The following CLCN6 variants were observed in gnomAD, a reference collection of about 807,000 sequenced individuals.
CLCN6 encodes Cl-/H+ antiporter 6, also known as H(+)/Cl(-) exchange transporter 6.
A neutral mutation model predicts 109.8 loss-of-function variants in CLCN6; 70 were observed. That is an observed-to-expected ratio of 0.64 (90% CI 0.53 to 0.78). The LOEUF (loss-of-function observed/expected upper bound fraction) is 0.78. Ranked by LOEUF, CLCN6 falls within the 30% of genes least tolerant of loss-of-function variation. The pLI, the probability that CLCN6 is intolerant of heterozygous loss-of-function variation, is 0.00. For missense variants in CLCN6, 984 were observed against 1,142.3 expected (o/e 0.86, Z 2.00); for synonymous variants, 444 against 447.8 (o/e 0.99, Z 0.11).
intron 5 of CLCN6, chr1:11,820,340 C>A (rs1277842757): frequency 1.4e-6 from 1 of 713,860 alleles, no homozygotes; most frequent in Non-Finnish European, 2.6e-6. Flanking sequence ...TAGTTATATT[C>A]CTATTTCATA....
chr1:11,840,931 A>G lies in CLCN6; in HGVS notation c.*708A>G, dbSNP rs1418966585. The G allele has an allele frequency of 6.6e-6, 1 of 152,338 alleles. No homozygotes were observed. The highest frequency in any genetic ancestry group is 2.4e-5 in the African/African-American group (1 of 41,438). The allele number at this position is 152,338 out of a possible 1,614,324, so 9.4% of individuals were successfully genotyped here. ...TGATAATAGGATCAGATTTACGTCT[A>G]CCCTAATTCTTAACATTGCAGCTTT... On this transcript the variant is annotated 3_prime_UTR_variant, in exon 23 of 23. Coordinates refer to ENST00000346436, the MANE Select transcript of CLCN6 (RefSeq NM_001286.5).
At chr1:11,817,489 C>T (rs1644688725) in intron 4 of CLCN6, among the ~76,000 whole-genome samples, 2 of 152,130 alleles carry the variant, frequency 1.3e-5, no homozygotes, top group South Asian at 4.1e-4. Context: ...AGCAACTTCA[C>T]AGGTGAATCA....
At chr1:11,836,259 CAG>C (rs781091222) in intron 18 of CLCN6, 106 bp downstream of exon 18, 95 of 1,046,918 alleles carry the variant, frequency 9.1e-5, no homozygotes, top group African/African-American at 1.6e-4. Context: ...TACCGGCTCT[CAG>C]GGGAAGTTGG....
At chr1:11,828,291 G>A in intron 11 of CLCN6, 72 bp downstream of exon 11, 2 of 1,482,468 alleles carry the variant, frequency 1.3e-6, no homozygotes, top group East Asian at 2.3e-5. Flanking sequence ...AAGGACCAGA[G>A]AGAAATGAGC....
At chr1:11,837,574 C>A in intron 20 of CLCN6, 75 bp downstream of exon 20, 2 of 1,462,772 alleles carry the variant, frequency 1.4e-6, no homozygotes, top group South Asian at 1.2e-5. Context: ...GCCGGCGGGC[C>A]GTGAACAGTG....
chr1:11,806,419 G>A, intron 1 of CLCN6, 70 bp downstream of exon 1: 5 of 1,387,548 alleles, frequency 3.6e-6, no homozygotes, highest in Non-Finnish European at 3.8e-6. Flanking sequence ...GTTGCCGGGG[G>A]TGGGGCCGGG....
intron 2 of CLCN6, among the ~76,000 whole-genome samples, chr1:11,810,761 C>A (rs1483374130): frequency 6.6e-6 from 1 of 151,688 alleles, no homozygotes; most frequent in Non-Finnish European, 1.5e-5. Flanking sequence ...CCAAACTCAA[C>A]TAATTTATTT....
At position 11,842,832 on chromosome 1, in the gene CLCN6, T is replaced by C. The variant is rs1645042089; in HGVS notation, c.*2609T>C. ...CTGTATGGCATTTGTGATGCAGAAT[T>C]ATGCACTGACATGACCCTGGGTGAC... On this transcript the variant is annotated 3_prime_UTR_variant, in exon 23 of 23. Transcript: ENST00000346436. 1 of 152,248 alleles carries C rather than the reference T, an allele frequency of 6.6e-6. No individual in the cohort carries two copies. The highest frequency in any genetic ancestry group is 6.5e-5 in the Admixed American group (1 of 15,290). 9.4% of individuals were successfully genotyped at this position (152,248 alleles called of 1,614,324 possible).
At chr1:11,828,417 G>T in intron 11 of CLCN6, 41 bp from the exon 12 acceptor site, 1 of 1,610,228 alleles carries the variant, frequency 6.2e-7, no homozygotes, top group African/African-American at 1.3e-5. Flanking sequence ...TCTCATGGCT[G>T]CTATGGTTTT....
intron 22 of CLCN6, 173 bp downstream of exon 22, chr1:11,838,833 C>A: frequency 1.1e-6 from 1 of 936,778 alleles, no homozygotes; most frequent in East Asian, 2.5e-5. Context: ...GACCCTTTCC[C>A]CTGCCTGCCA....
intron 20 of CLCN6, 49 bp from the exon 21 acceptor site, chr1:11,838,286 G>A: frequency 6.5e-7 from 1 of 1,545,034 alleles, no homozygotes; most frequent in African/African-American, 1.4e-5. Context: ...AGGTGACCCT[G>A]CTGGCCACTG....
intron 1 of CLCN6, chr1:11,806,782 G>A (rs1644518844): frequency 5.5e-6 from 2 of 362,744 alleles, no homozygotes; most frequent in Non-Finnish European, 1.0e-5. Context: ...GAAAACTTGA[G>A]TTGTGTTCCC....
chr1:11,829,643 C>T (rs1042231252), intron 13 of CLCN6, among the ~76,000 whole-genome samples: 13 of 146,808 alleles, frequency 8.9e-5, no homozygotes, highest in African/African-American at 3.4e-4. Context: ...CCTGGCGTCA[C>T]AGAGGGGAAC....
chr1:11,833,888 C>G lies in CLCN6; in HGVS notation c.1384C>G (p.Pro462Ala), dbSNP rs1286727952. ...CTCTTCCCTTGCAGGTACTTTCAGC[C>G]CCGTCACTCTGGCCTTGTTCTTCGT... The part of the protein sequence containing the change: ...QLFHQDGTFS[P>A]VTLALFFVLY... Residue 462 changes from proline to alanine, a missense_variant, in exon 15 of 23, where the codon CCC becomes GCC. Pro to Ala is a conservative substitution (Grantham distance 27). Transcript: ENST00000346436. The G allele has an allele frequency of 6.2e-7, 1 of 1,610,634 alleles. No individual in the cohort carries two copies. The highest frequency in any genetic ancestry group is 1.7e-5 in the Admixed American group (1 of 58,942).
intron 13 of CLCN6, among the ~76,000 whole-genome samples, chr1:11,830,800 AC>A (rs1221061999): frequency 5.8e-5 from 8 of 138,320 alleles, no homozygotes; most frequent in Non-Finnish European, 1.2e-4. Flanking sequence ...ACACACACAC[AC>A]ACACACACAC....
Position 11,838,639 on chromosome 1 carries a change from C to G in CLCN6, c.2508C>G (p.Pro836=). ...GAACGATGGGCCTGCGCCACCTGCCCGTGGTGAACGCTGTGGGAGAGGTGA... is the reference window on the plus strand; with the variant it reads ...GAACGATGGGCCTGCGCCACCTGCCGGTGGTGAACGCTGTGGGAGAGGTGA... ...LFRTMGLRHL[P]VVNAVGEIVG... is the part of the protein sequence containing the mutation. The change falls in exon 22 of 23, where the codon CCC becomes CCG. Residue 836 remains proline (P), a synonymous_variant. Transcript: ENST00000346436. 1 of 1,614,248 alleles carries G rather than the reference C, an allele frequency of 6.2e-7. No homozygotes were observed. Among genetic ancestry groups the G allele is most frequent in the Non-Finnish European group, 8.5e-7 (1 of 1,180,050 alleles).
intron 2 of CLCN6, among the ~76,000 whole-genome samples, chr1:11,812,825 C>G (rs1257541163): frequency 6.6e-6 from 1 of 151,950 alleles, no homozygotes; most frequent in Non-Finnish European, 1.5e-5. Flanking sequence ...CTCTGCCGTT[C>G]CCTTATCTAC....
At chr1:11,817,352 G>C (rs964428405) in intron 4 of CLCN6, among the ~76,000 whole-genome samples, 10 of 152,226 alleles carry the variant, frequency 6.6e-5, no homozygotes, top group African/African-American at 2.4e-4. Flanking sequence ...CATAGCTATT[G>C]ATCTCATGCA....
chr1:11,811,900 C>T (rs1644603761), intron 2 of CLCN6, among the ~76,000 whole-genome samples: 1 of 152,028 alleles, frequency 6.6e-6, no homozygotes, highest in East Asian at 1.9e-4. Flanking sequence ...CAGTAATTTC[C>T]ATACATATTT....
Sources: allele counts gnomAD v4.1 joint callset (sites outside exome capture counted in the v4.1 genomes callset), GRCh38; gene constraint gnomAD v4.1.1; transcripts MANE v1.5; gene names NCBI Gene and HGNC (gene_info 2026-07-23, HGNC 2026-07-21).